Variants in DSCAM observed in about 807,000 individuals in gnomAD.
DSCAM encodes the protein DS cell adhesion molecule.
DSCAM carries 47 observed loss-of-function variants against 217.7 expected under a neutral mutation model. The ratio of observed to expected loss-of-function variants is 0.22; its 90% confidence interval spans 0.17 to 0.28. The LOEUF is 0.28. Among genes scored for constraint, DSCAM ranks in the 10% least tolerant of loss-of-function variants. The pLI, the probability that DSCAM is intolerant of heterozygous loss-of-function variation, is 1.00. For missense variants in DSCAM, 2,080 were observed against 2,618.3 expected (o/e 0.79, Z 4.49); for synonymous variants, 1,056 against 1,015.3 (o/e 1.04, Z -0.76).
intron 10 of DSCAM, among the ~76,000 whole-genome samples, chr21:40,286,370 C>T (rs1255231821): frequency 2.6e-5 from 4 of 152,036 alleles, no homozygotes; most frequent in Non-Finnish European, 5.9e-5. Context: ...AGACGAAATG[C>T]CTTGGACACT....
chr21:40,064,511 G>T (rs2089177263), intron 27 of DSCAM, among the ~76,000 whole-genome samples: 1 of 152,114 alleles, frequency 6.6e-6, no homozygotes, highest in Admixed American at 6.5e-5. Context: ...CTGCCATGCC[G>T]ACAGCAGACC....
chr21:40,708,767 G>T lies in DSCAM; in HGVS notation c.48C>A (p.Phe16Leu). ...AGAGGCTGGAGTGTAGGTCTTCACTGAAAACTGCAAGAAGACAACACAGGG... is the reference window on the plus strand; with the variant it reads ...AGAGGCTGGAGTGTAGGTCTTCACTTAAAACTGCAAGAAGACAACACAGGG... ...LSLFQSFANV[F>L]SEDLHSSLYF... Residue 16 changes from phenylalanine (F) to leucine (L), a missense_variant, in exon 2 of 33, where the codon TTC becomes TTA. This residue lies in a region of DSCAM where 568 missense variants were observed against 678.1 expected (regional missense o/e 0.84). Transcript: ENST00000400454. The T allele has an allele frequency of 1.3e-6, 2 of 1,547,822 alleles. No homozygotes were observed. Among genetic ancestry groups the T allele is most frequent in the African/African-American group, 1.4e-5 (1 of 73,508 alleles).
At chr21:40,473,557 A>C (rs2075907523) in intron 3 of DSCAM, among the ~76,000 whole-genome samples, 1 of 152,220 alleles carries the variant, frequency 6.6e-6, no homozygotes, top group Non-Finnish European at 1.5e-5. Flanking sequence ...GCGGTCACCT[A>C]TCAGGTAGAT....
intron 8 of DSCAM, among the ~76,000 whole-genome samples, chr21:40,317,435 G>C (rs2074209871): frequency 6.6e-6 from 1 of 152,134 alleles, no homozygotes; most frequent in Non-Finnish European, 1.5e-5. Context: ...TTCTTAAGTA[G>C]AGTGACCCAG....
chr21:40,078,750 C>T lies in DSCAM; in HGVS notation c.4648G>A (p.Val1550Met). ...EATWYELQMR[V>M]CNSAGCAEKQ... is the part of the protein sequence containing the mutation. ...TCCGCGCAGCCCGCACTGTTGCACA[C>T]CCGCATCTGCAGCTCATACCAGGTG... Residue 1550 changes from valine to methionine, a missense_variant, in exon 26 of 33, where the codon GTG becomes ATG. By Grantham distance (21) the Val-to-Met change is conservative (BLOSUM62 1). Coordinates refer to ENST00000400454, the MANE Select transcript of DSCAM (RefSeq NM_001389.5). The T allele has an allele frequency of 6.2e-7, 1 of 1,614,242 alleles. No individual in the cohort carries two copies. Among genetic ancestry groups the T allele is most frequent in the Non-Finnish European group, 8.5e-7 (1 of 1,180,046 alleles).
chr21:40,214,514 T>C (rs115251811), intron 11 of DSCAM, among the ~76,000 whole-genome samples: 2,066 of 152,258 alleles, frequency 0.014, 59 homozygotes, highest in African/African-American at 0.048. Flanking sequence ...AGATTCACAC[T>C]GTGAACTTTT....
chr21:40,780,398 CGTGT>C (rs140268971), intron 1 of DSCAM, among the ~76,000 whole-genome samples: 52 of 108,634 alleles, frequency 4.8e-4, no homozygotes, highest in East Asian at 1.7e-3. Flanking sequence ...CAAATATAAA[CGTGT>C]GTGTGTGTGT....
chr21:40,271,108 A>G (rs2073610399), intron 11 of DSCAM, among the ~76,000 whole-genome samples: 2 of 152,360 alleles, frequency 1.3e-5, no homozygotes, highest in Admixed American at 1.3e-4. Context: ...GAGCTGAGTG[A>G]GTTGGTGCAT....
chr21:40,743,444 G>T (rs2091144920), intron 1 of DSCAM, among the ~76,000 whole-genome samples: 2 of 151,972 alleles, frequency 1.3e-5, no homozygotes, highest in South Asian at 4.2e-4. Context: ...TCTTTACAAG[G>T]TCCCAGAAAA....
intron 3 of DSCAM, among the ~76,000 whole-genome samples, chr21:40,684,576 T>C (rs915330694): frequency 6.6e-6 from 1 of 152,228 alleles, no homozygotes; most frequent in African/African-American, 2.4e-5. Context: ...AACCCACCTT[T>C]ATCTCTGCTC....
intron 3 of DSCAM, among the ~76,000 whole-genome samples, chr21:40,487,232 ACTCT>A (rs764459595): frequency 1.4e-4 from 15 of 109,242 alleles, no homozygotes; most frequent in African/African-American, 4.3e-4. Context: ...ATAACCTGTA[ACTCT>A]CTCTCTCTCT....
intron 9 of DSCAM, among the ~76,000 whole-genome samples, chr21:40,303,692 G>T (rs1242586154): frequency 6.6e-6 from 1 of 152,082 alleles, no homozygotes; most frequent in African/African-American, 2.4e-5. Flanking sequence ...AAGAATGAAT[G>T]AATGAAGTAA....
At chr21:40,160,259 G>A (rs2090526264) in intron 16 of DSCAM, among the ~76,000 whole-genome samples, 1 of 152,206 alleles carries the variant, frequency 6.6e-6, no homozygotes, top group South Asian at 2.1e-4. Flanking sequence ...CAAATCAAGT[G>A]ACTTAAGGTC....
chr21:40,267,126 T>C (rs1011170875), intron 11 of DSCAM, among the ~76,000 whole-genome samples: 1 of 151,938 alleles, frequency 6.6e-6, no homozygotes, highest in Admixed American at 6.6e-5. Flanking sequence ...ACTTTATCAC[T>C]AAACAATTCA....
chr21:40,287,404 A>T (rs1030765489), intron 10 of DSCAM, among the ~76,000 whole-genome samples: 2 of 152,196 alleles, frequency 1.3e-5, no homozygotes, highest in African/African-American at 4.8e-5. Context: ...CTTCTGAGAC[A>T]TAGGCCATGA....
chr21:40,685,825 A>T (rs2090466601), intron 3 of DSCAM, among the ~76,000 whole-genome samples: 1 of 152,202 alleles, frequency 6.6e-6, no homozygotes, highest in African/African-American at 2.4e-5. Context: ...CTTTGACAGC[A>T]GTTGGCTTAA....
rs571906879 is a variant in DSCAM, at chr21:40,241,432, A to G, written c.2356+34665T>C. Among the ~76,000 whole-genome samples, 85 of 152,362 alleles carry G rather than the reference A, an allele frequency of 5.6e-4. 1 individual carries two copies. The highest frequency in any genetic ancestry group is 2.0e-3 in the African/African-American group (82 of 41,590). On this transcript the variant is annotated intron_variant, in intron 11 of 32. Coordinates refer to ENST00000400454, the MANE Select transcript of DSCAM (RefSeq NM_001389.5). ...TAGAGAAATGCAAATCAAGACGACA[A>G]TGATATACCATCTCATACCAGTCAG...
chr21:40,503,227 G>A (rs912682749), intron 3 of DSCAM, among the ~76,000 whole-genome samples: 9 of 152,142 alleles, frequency 5.9e-5, no homozygotes, highest in African/African-American at 1.9e-4. Context: ...TTCAAAGAGC[G>A]CTCCACCGAC....
At chr21:40,777,478 A>G (rs990506676) in intron 1 of DSCAM, among the ~76,000 whole-genome samples, 9 of 152,258 alleles carry the variant, frequency 5.9e-5, no homozygotes, top group African/African-American at 2.2e-4. Context: ...TGCTTGCATC[A>G]TGAAGGAGGA....
Sources: allele counts gnomAD v4.1 joint callset (sites outside exome capture counted in the v4.1 genomes callset), GRCh38; gene constraint gnomAD v4.1.1; regional missense constraint gnomAD v4.1.1; transcripts MANE v1.5; gene names NCBI Gene and HGNC (gene_info 2026-07-23, HGNC 2026-07-21).